The following RMST variants were observed in gnomAD, a reference collection of about 807,000 sequenced individuals.
The protein encoded by RMST is long intergenic non-protein coding RNA 54.
At chr12:97,547,163 C>T (rs1473477636) in intron 11 of RMST, among the ~76,000 whole-genome samples, 1 of 150,186 alleles carries the variant, frequency 6.7e-6, no homozygotes, top group African/African-American at 2.4e-5. Flanking sequence ...ATCTATGTTG[C>T]TGCAAATGAC....
chr12:97,523,349 G>A (rs2098542434), intron 10 of RMST, among the ~76,000 whole-genome samples: 2 of 152,092 alleles, frequency 1.3e-5, no homozygotes, highest in Admixed American at 6.5e-5. Context: ...ATAATATGTG[G>A]GGAATAGGGA....
chr12:97,505,704 G>A (rs1878591885), intron 10 of RMST, among the ~76,000 whole-genome samples: 1 of 152,124 alleles, frequency 6.6e-6, no homozygotes. Context: ...TATTTTTTAT[G>A]TTTCTAGAGC....
At chr12:97,520,397 TC>T (rs1880392381) in intron 10 of RMST, among the ~76,000 whole-genome samples, 1 of 152,204 alleles carries the variant, frequency 6.6e-6, no homozygotes, top group Non-Finnish European at 1.5e-5. Flanking sequence ...GATTTTTGAC[TC>T]TCTGAATGAA....
intron 11 of RMST, among the ~76,000 whole-genome samples, chr12:97,547,582 C>A (rs1023905117): frequency 6.6e-6 from 1 of 152,000 alleles, no homozygotes; most frequent in Non-Finnish European, 1.5e-5. Flanking sequence ...TGATAATAGC[C>A]ACTATAACAA....
At chr12:97,548,932 A>C (rs1282403174) in intron 11 of RMST, among the ~76,000 whole-genome samples, 1 of 152,128 alleles carries the variant, frequency 6.6e-6, no homozygotes, top group Non-Finnish European at 1.5e-5. Flanking sequence ...GTTTATTTTC[A>C]TTTTATCCCT....
rs142129168 is a variant in RMST, at chr12:97,480,514, T to C, written n.645-11947T>C. On this transcript the variant is annotated intron_variant and non_coding_transcript_variant, in intron 5 of 13. Coordinates refer to ENST00000640149, the Ensembl canonical transcript of RMST. ...CACCATACAAATGACCTTTCTTCCA[T>C]CAGCCTTGTCACCATGCGATCCACC... Among the ~76,000 whole-genome samples, 579 of 152,336 alleles carry C rather than the reference T, an allele frequency of 3.8e-3. 6 individuals are homozygous for C. The highest frequency in any genetic ancestry group is 3.6e-3 in the Non-Finnish European group (244 of 68,030).
At chr12:97,520,418 C>T (rs972492100) in intron 10 of RMST, among the ~76,000 whole-genome samples, 6 of 152,126 alleles carry the variant, frequency 3.9e-5, no homozygotes, top group Non-Finnish European at 8.8e-5. Context: ...ATTGATGGGG[C>T]TCTTTGATCT....
At chr12:97,503,414 CA>C (rs1159532886) in intron 10 of RMST, among the ~76,000 whole-genome samples, 3 of 147,990 alleles carry the variant, frequency 2.0e-5, no homozygotes, top group African/African-American at 7.4e-5. Flanking sequence ...TAGAGAATTT[CA>C]AAAACACTCC....
rs548048965 is a variant in RMST, at chr12:97,516,052, A to G, written n.1341-14603A>G. Reference sequence around the variant, plus strand: ...CTGTATCATCTAACTACAACTTTGTATTCAAAGAGTTTCTAAAAATCATAG... The same window carrying G: ...CTGTATCATCTAACTACAACTTTGTGTTCAAAGAGTTTCTAAAAATCATAG... On this transcript the variant is annotated intron_variant and non_coding_transcript_variant, in intron 10 of 13. Transcript: ENST00000640149. Among the ~76,000 whole-genome samples, 4 of 152,144 alleles carry G rather than the reference A, an allele frequency of 2.6e-5. No homozygotes were observed. In the East Asian group the frequency reaches 7.7e-4, roughly 29 times the overall value.
intron 11 of RMST, among the ~76,000 whole-genome samples, chr12:97,553,345 G>GA (rs887930345): frequency 1.3e-5 from 2 of 152,146 alleles, no homozygotes; most frequent in African/African-American, 4.8e-5. Context: ...GCTCATCTCA[G>GA]AACATAATTC....
chr12:97,560,372 G>A (rs1355994486), intron 11 of RMST, among the ~76,000 whole-genome samples: 1 of 152,196 alleles, frequency 6.6e-6, no homozygotes, highest in African/African-American at 2.4e-5. Flanking sequence ...TTAAAAAGCA[G>A]CTGCGTTTTT....
At chr12:97,557,262 A>C (rs1008133632) in intron 11 of RMST, among the ~76,000 whole-genome samples, 1 of 152,182 alleles carries the variant, frequency 6.6e-6, no homozygotes, top group Non-Finnish European at 1.5e-5. Context: ...GTCAAGGAAG[A>C]GTGAAGACTT....
chr12:97,562,440 A>C (rs553072459), intron 13 of RMST, among the ~76,000 whole-genome samples: 1 of 149,986 alleles, frequency 6.7e-6, no homozygotes, highest in East Asian at 2.0e-4. Flanking sequence ...GGAAGGAGAG[A>C]TGTGGTAGAG....
At chr12:97,482,076 C>A (rs1427566315) in intron 5 of RMST, among the ~76,000 whole-genome samples, 3 of 152,144 alleles carry the variant, frequency 2.0e-5, no homozygotes. Context: ...AGAGAAGGAA[C>A]AAACATACAT....
chr12:97,470,854 C>T (rs952966978), intron 5 of RMST, among the ~76,000 whole-genome samples: 1 of 151,972 alleles, frequency 6.6e-6, no homozygotes, highest in African/African-American at 2.4e-5. Context: ...AAAAAAGAGC[C>T]ATTTCCTTAA....
chr12:97,485,017 G>A (rs1019859917), intron 5 of RMST, among the ~76,000 whole-genome samples: 1 of 152,180 alleles, frequency 6.6e-6, no homozygotes, highest in Non-Finnish European at 1.5e-5. Flanking sequence ...AACATGCTTG[G>A]TGATATGTTA....
chr12:97,520,540 C>G lies in RMST; in HGVS notation n.1341-10115C>G, dbSNP rs1880407372. Among the ~76,000 whole-genome samples, 4 of 152,018 alleles carry G rather than the reference C, an allele frequency of 2.6e-5. No homozygotes were observed. In the South Asian group the frequency reaches 8.3e-4, roughly 31 times the overall value. On this transcript the variant is annotated intron_variant and non_coding_transcript_variant, in intron 10 of 13. Coordinates refer to ENST00000640149, the Ensembl canonical transcript of RMST. ...AAATTATAATTAATAATTATACAAA[C>G]AAATAAAAATTGCCATTATAAAACC...
At chr12:97,512,215 C>T (rs1024850154) in intron 10 of RMST, among the ~76,000 whole-genome samples, 16 of 151,950 alleles carry the variant, frequency 1.1e-4, no homozygotes, top group Non-Finnish European at 2.1e-4. Context: ...GTCTGGCGTT[C>T]CTCCCGGTGG....
intron 11 of RMST, among the ~76,000 whole-genome samples, chr12:97,536,069 T>G (rs2136606150): frequency 6.6e-6 from 1 of 151,668 alleles, no homozygotes; most frequent in South Asian, 2.1e-4. Flanking sequence ...CCTCATATGG[T>G]TTCTTTGGTG....
Sources: allele counts gnomAD v4.1 joint callset (sites outside exome capture counted in the v4.1 genomes callset), GRCh38; gene constraint gnomAD v4.1.1; transcripts MANE v1.5; gene names NCBI Gene and HGNC (gene_info 2026-07-23, HGNC 2026-07-21).